Variants in MAML3 observed in about 807,000 individuals in gnomAD.
MAML3 encodes the protein mastermind like transcriptional coactivator 3.
In MAML3, 27 loss-of-function variants were observed where a neutral mutation model predicts 101.9. The observed-to-expected ratio is 0.27, with a 90% confidence interval of 0.20 to 0.37. MAML3 has a LOEUF of 0.37. MAML3 is among the 10% of genes least tolerant of loss of function. MAML3 has a pLI of 1.00. For missense variants in MAML3, 1,316 were observed against 1,444.9 expected (o/e 0.91, Z 1.45); for synonymous variants, 501 against 555.9 (o/e 0.90, Z 1.39).
intron 2 of MAML3, among the ~76,000 whole-genome samples, chr4:139,789,474 G>A (rs909735360): frequency 5.3e-5 from 8 of 152,170 alleles, no homozygotes; most frequent in East Asian, 1.9e-4. Flanking sequence ...CCTCATGAGC[G>A]AAGCGGAGCA....
At chr4:140,033,954 G>A (rs1312760929) in intron 1 of MAML3, among the ~76,000 whole-genome samples, 1 of 152,130 alleles carries the variant, frequency 6.6e-6, no homozygotes, top group African/African-American at 2.4e-5. Context: ...GAACATAAAT[G>A]AGTTGTTTTT....
intron 2 of MAML3, among the ~76,000 whole-genome samples, chr4:139,830,955 A>G (rs1731154071): frequency 6.6e-6 from 1 of 152,178 alleles, no homozygotes; most frequent in South Asian, 2.1e-4. Context: ...ATGAAACCCA[A>G]ACAAAAAAAG....
At chr4:140,024,158 T>C (rs1454697702) in intron 1 of MAML3, among the ~76,000 whole-genome samples, 1 of 152,070 alleles carries the variant, frequency 6.6e-6, no homozygotes, top group Non-Finnish European at 1.5e-5. Context: ...GAGGCACAGA[T>C]AGGATAAGTA....
At chr4:140,119,372 C>A (rs1299212080) in intron 1 of MAML3, among the ~76,000 whole-genome samples, 1 of 152,152 alleles carries the variant, frequency 6.6e-6, no homozygotes, top group Non-Finnish European at 1.5e-5. Context: ...AGACAGAAAT[C>A]AACTTAATTT....
At chr4:140,090,167 G>T (rs1352743023) in intron 1 of MAML3, among the ~76,000 whole-genome samples, 1 of 152,178 alleles carries the variant, frequency 6.6e-6, no homozygotes, top group Non-Finnish European at 1.5e-5. Context: ...ATAATTTGCG[G>T]TGTGTTTTTA....
chr4:139,775,660 G>A (rs536517384), intron 2 of MAML3, among the ~76,000 whole-genome samples: 3 of 152,216 alleles, frequency 2.0e-5, no homozygotes, highest in South Asian at 2.1e-4. Flanking sequence ...GAATGATTCC[G>A]TTTGATTTCA....
chr4:140,134,610 G>T (rs549216418), intron 1 of MAML3: 23 of 328,478 alleles, frequency 7.0e-5, no homozygotes, highest in South Asian at 5.8e-4. Context: ...AAACACCACA[G>T]AAATAAATAT....
chr4:140,101,752 A>G (rs1204838516), intron 1 of MAML3, among the ~76,000 whole-genome samples: 1 of 152,216 alleles, frequency 6.6e-6, no homozygotes, highest in Non-Finnish European at 1.5e-5. Flanking sequence ...AAGGCTAGGT[A>G]AACTCAAGGT....
intron 1 of MAML3, among the ~76,000 whole-genome samples, chr4:139,933,004 C>T (rs929431864): frequency 6.6e-6 from 1 of 152,096 alleles, no homozygotes; most frequent in Non-Finnish European, 1.5e-5. Context: ...CATAGTTAGC[C>T]GTGGCAGCAG....
intron 1 of MAML3, among the ~76,000 whole-genome samples, chr4:139,941,773 T>C (rs1228735569): frequency 2.0e-5 from 3 of 152,182 alleles, no homozygotes; most frequent in Non-Finnish European, 2.9e-5. Context: ...TAATATGCTC[T>C]TATATTTCAG....
At chr4:139,754,439 T>A (rs1169768321) in intron 2 of MAML3, among the ~76,000 whole-genome samples, 1 of 152,216 alleles carries the variant, frequency 6.6e-6, no homozygotes, top group African/African-American at 2.4e-5. Context: ...AAGACAAGGA[T>A]CATAGCTGCA....
In MAML3 at chr4:140,154,059, G is replaced by T; in HGVS notation, c.-732C>A. The T allele has an allele frequency of 6.1e-6, 1 of 165,280 alleles. No homozygotes were observed. Among genetic ancestry groups the T allele is most frequent in the Non-Finnish European group, 1.3e-5 (1 of 75,538 alleles). The allele number at this position is 165,280 out of a possible 1,614,324, so 10.2% of individuals were successfully genotyped here. On this transcript the variant is annotated 5_prime_UTR_variant, in exon 1 of 5. Coordinates refer to ENST00000509479, the MANE Select transcript of MAML3 (RefSeq NM_018717.5). ...AGAGCAGCACCTAACGCTCGGCTGG[G>T]CTGCCGCTGCCGCCGCTGCTCCTGC...
chr4:140,052,257 T>G (rs1727280973), intron 1 of MAML3, among the ~76,000 whole-genome samples: 1 of 152,222 alleles, frequency 6.6e-6, no homozygotes. Flanking sequence ...GAAAAGCAGC[T>G]ATACTGGCTC....
At chr4:139,970,522 C>G (rs1336330088) in intron 1 of MAML3, among the ~76,000 whole-genome samples, 1 of 152,124 alleles carries the variant, frequency 6.6e-6, no homozygotes, top group Non-Finnish European at 1.5e-5. Flanking sequence ...AAAAATGGAT[C>G]AGACAATCAA....
chr4:140,030,843 C>T (rs573184314), intron 1 of MAML3, among the ~76,000 whole-genome samples: 11 of 152,324 alleles, frequency 7.2e-5, no homozygotes, highest in Admixed American at 7.2e-4. Flanking sequence ...AAATCATCAT[C>T]ATTATTACCT....
chr4:140,035,333 T>G (rs1456972468), intron 1 of MAML3, among the ~76,000 whole-genome samples: 1 of 152,166 alleles, frequency 6.6e-6, no homozygotes, highest in Non-Finnish European at 1.5e-5. Context: ...TCCAAATATG[T>G]GAAATCAACG....
At chr4:139,856,913 A>G (rs10018246) in intron 2 of MAML3, among the ~76,000 whole-genome samples, 119,193 of 152,058 alleles carry the variant, frequency 0.78, 46,925 homozygotes, top group South Asian at 0.84. Context: ...CAAAGGGGAA[A>G]GCAAAACTGT....
At chr4:140,095,163 T>C (rs1032031309) in intron 1 of MAML3, among the ~76,000 whole-genome samples, 2 of 152,230 alleles carry the variant, frequency 1.3e-5, no homozygotes, top group African/African-American at 4.8e-5. Flanking sequence ...CCACACATCT[T>C]TCTTTGCTCT....
At chr4:140,107,568 G>C (rs377510776) in intron 1 of MAML3, among the ~76,000 whole-genome samples, 1 of 150,264 alleles carries the variant, frequency 6.7e-6, no homozygotes, top group African/African-American at 2.5e-5. Flanking sequence ...GCAGTGGCGC[G>C]ATCTCGGCTC....
Sources: allele counts gnomAD v4.1 joint callset (sites outside exome capture counted in the v4.1 genomes callset), GRCh38; gene constraint gnomAD v4.1.1; transcripts MANE v1.5; gene names NCBI Gene and HGNC (gene_info 2026-07-23, HGNC 2026-07-21).